Variants in TMOD2 observed in about 807,000 individuals in gnomAD.
TMOD2 encodes tropomodulin-2.
A neutral mutation model predicts 39.9 loss-of-function variants in TMOD2; 22 were observed. The observed-to-expected ratio is 0.55, with a 90% CI of 0.39 to 0.79. The LOEUF is 0.79. Among genes scored for constraint, TMOD2 ranks in the 30% least tolerant of loss-of-function variants. The pLI is 0.00. For synonymous variants in TMOD2, 123 were observed against 146.1 expected (o/e 0.84, Z 1.14); for missense variants, 386 against 413.3 (o/e 0.93, Z 0.57).
At chr15:51,785,697 A>T (rs867933883) in intron 7 of TMOD2, among the ~76,000 whole-genome samples, 2 of 152,238 alleles carry the variant, frequency 1.3e-5, no homozygotes, top group Middle Eastern at 6.8e-3. Flanking sequence ...GGACAAAGAG[A>T]AGTTGGTTAA....
rs554054000 is a variant in TMOD2 at position 51,794,652 on chromosome 15, A to T, written c.733-3545A>T. Among the ~76,000 whole-genome samples, 37 of 152,332 alleles carry T rather than the reference A, an allele frequency of 2.4e-4. 1 individual carries two copies. The South Asian group carries it at 7.5e-3, about 31-fold the overall frequency. ...CCATTCCACAGCCTCAGAGATTCCG[A>T]TTTAATTCATCTGGGGTAAATTTTT... On this transcript the variant is annotated intron_variant, in intron 7 of 9. Coordinates refer to ENST00000249700, the MANE Select transcript of TMOD2 (RefSeq NM_014548.4).
chr15:51,795,235 A>G (rs966469668), intron 7 of TMOD2, among the ~76,000 whole-genome samples: 5 of 152,124 alleles, frequency 3.3e-5, no homozygotes, highest in African/African-American at 1.2e-4. Flanking sequence ...AGCCTGGCCA[A>G]CATGGTGAAA....
intron 7 of TMOD2, among the ~76,000 whole-genome samples, chr15:51,785,569 C>CA (rs973549222): frequency 3.2e-4 from 47 of 147,482 alleles, no homozygotes; most frequent in Admixed American, 1.9e-3. Flanking sequence ...ACAAGCCAAG[C>CA]AAAAAAAAAT....
chr15:51,787,542 G>A (rs557546313), intron 7 of TMOD2, among the ~76,000 whole-genome samples: 14 of 152,384 alleles, frequency 9.2e-5, no homozygotes, highest in African/African-American at 3.4e-4. Context: ...CGGACAGACT[G>A]CCTCTGCAAG....
At chr15:51,795,049 A>G (rs1204671497) in intron 7 of TMOD2, among the ~76,000 whole-genome samples, 1 of 152,150 alleles carries the variant, frequency 6.6e-6, no homozygotes, top group Non-Finnish European at 1.5e-5. Flanking sequence ...TTTGCAGGTA[A>G]CTTGTTTTTC....
chr15:51,780,258 C>G (rs1232638704), intron 5 of TMOD2, among the ~76,000 whole-genome samples: 1 of 152,218 alleles, frequency 6.6e-6, no homozygotes, highest in Non-Finnish European at 1.5e-5. Flanking sequence ...ACATTTGCAT[C>G]AGATCACATT....
intron 7 of TMOD2, among the ~76,000 whole-genome samples, chr15:51,796,587 T>C (rs1278912032): frequency 6.6e-6 from 1 of 152,228 alleles, no homozygotes; most frequent in Non-Finnish European, 1.5e-5. Flanking sequence ...GTGCTATGTC[T>C]TTTCCTATAC....
rs1266484172 is a variant in TMOD2 at position 51,812,426 on chromosome 15, G to T, written c.*3972G>T. The T allele has an allele frequency of 1.3e-5, 2 of 152,222 alleles. No homozygotes were observed. Among genetic ancestry groups the T allele is most frequent in the African/African-American group, 4.8e-5 (2 of 41,450 alleles). 9.4% of individuals were successfully genotyped at this position (152,222 alleles called of 1,614,324 possible). On this transcript the variant is annotated 3_prime_UTR_variant, in exon 10 of 10. Transcript: ENST00000249700. ...TTCTTAAAACCAATATTAAGCATCA[G>T]CATGCTTTAAGTGTAAGATAGCCCT...
chr15:51,797,903 G>GTT lies in TMOD2; in HGVS notation c.733-286_733-285dup, dbSNP rs534674230. Among the ~76,000 whole-genome samples, 232 of 147,786 alleles carry GTT rather than the reference G, an allele frequency of 1.6e-3. 9 individuals carry two copies. In the East Asian group the frequency reaches 0.017, roughly 11 times the overall value. ...TCTCAAAAAAAAAAAAACAGTAGTG[G>GTT]TTTTTTTTTAATGTCTCTACTTAAC... On this transcript the variant is annotated intron_variant, in intron 7 of 9. Coordinates refer to ENST00000249700, the MANE Select transcript of TMOD2 (RefSeq NM_014548.4).
rs563168913 is a variant in TMOD2 at position 51,768,387 on chromosome 15, G to A, written c.252G>A (p.Glu84=). 2.4e-5 allele frequency: 38 copies of A among 1,614,066 alleles called. No individual in the cohort carries two copies. The Admixed American group carries it at 2.5e-4, about 11-fold the overall frequency. The part of the protein sequence containing the change: ...EKEALEQKDR[E]DFVPFTGEKK... ...AGGCTTTGGAACAGAAAGACAGAGA[G>A]GACTTTGTGCCCTTCACTGGAGAAA... is the stretch of plus-strand genomic sequence containing the variant. The change falls in exon 3 of 10, where the codon GAG becomes GAA. Residue 84 remains glutamate, a synonymous_variant. Transcript: ENST00000249700.
chr15:51,785,411 C>CAAAAAAAA (rs57631565), intron 7 of TMOD2, among the ~76,000 whole-genome samples: 1 of 70,490 alleles, frequency 1.4e-5, no homozygotes, highest in Non-Finnish European at 2.6e-5. Context: ...GACTCTGTCT[C>CAAAAAAAA]AAAAAAAAAA....
chr15:51,785,553 A>G (rs1017830111), intron 7 of TMOD2, among the ~76,000 whole-genome samples: 6 of 152,112 alleles, frequency 3.9e-5, no homozygotes, highest in African/African-American at 7.2e-5. Context: ...CATTGTGTTA[A>G]GTGAAACAAG....
intron 8 of TMOD2, among the ~76,000 whole-genome samples, chr15:51,801,242 C>G (rs902218009): frequency 1.7e-5 from 2 of 114,720 alleles, no homozygotes; most frequent in Non-Finnish European, 3.7e-5. Flanking sequence ...CTCTCTCACA[C>G]ACACACACAC....
At chr15:51,776,895 T>G in intron 4 of TMOD2, 37 bp from the exon 5 acceptor site, 1 of 1,541,976 alleles carries the variant, frequency 6.5e-7, no homozygotes, top group Non-Finnish European at 9.0e-7. Context: ...CTAATGTGCT[T>G]CTCCAAACTT....
intron 4 of TMOD2, among the ~76,000 whole-genome samples, chr15:51,776,126 T>G (rs1595867868): frequency 6.6e-6 from 1 of 152,170 alleles, no homozygotes; most frequent in African/African-American, 2.4e-5. Flanking sequence ...CCATTTGCCC[T>G]TTCTTGTGCT....
intron 8 of TMOD2, among the ~76,000 whole-genome samples, chr15:51,801,237 T>TCACACACACACACACACA (rs546562505): frequency 2.9e-5 from 3 of 102,100 alleles, no homozygotes; most frequent in African/African-American, 1.2e-4. Flanking sequence ...TCTCTCTCTC[T>TCACACACACACACACACA]CACACACACA....
At chr15:51,790,390 G>A (rs189300393) in intron 7 of TMOD2, among the ~76,000 whole-genome samples, 1 of 152,240 alleles carries the variant, frequency 6.6e-6, no homozygotes, top group East Asian at 1.9e-4. Context: ...AAAGAGTCCA[G>A]GACCAGACCG....
rs1429202835 is a variant in TMOD2 at position 51,768,247 on chromosome 15, C to T, written c.127-15C>T. On this transcript the variant is annotated splice_polypyrimidine_tract_variant and intron_variant, in intron 2 of 9. Coordinates refer to ENST00000249700, the MANE Select transcript of TMOD2 (RefSeq NM_014548.4). ...GCAGACATCTTCCTTCCTGCTCACA[C>T]CTCTTTCTTGTCAGAGTGCCATGCT... 1.2e-6 allele frequency: 2 copies of T among 1,613,866 alleles called. No individual in the cohort carries two copies. Among genetic ancestry groups the T allele is most frequent in the Admixed American group, 1.7e-5 (1 of 59,988 alleles).
At chr15:51,774,763 G>A (rs533729789) in intron 4 of TMOD2, among the ~76,000 whole-genome samples, 2 of 152,278 alleles carry the variant, frequency 1.3e-5, no homozygotes, top group East Asian at 3.9e-4. Flanking sequence ...TGGGGTTGCT[G>A]TGGAGGGATC....
Sources: allele counts gnomAD v4.1 joint callset (sites outside exome capture counted in the v4.1 genomes callset), GRCh38; gene constraint gnomAD v4.1.1; transcripts MANE v1.5; gene names NCBI Gene and HGNC (gene_info 2026-07-23, HGNC 2026-07-21).